The following LAMB1 variants were observed in gnomAD, a reference collection of about 807,000 sequenced individuals.
LAMB1 encodes laminin subunit beta-1.
Under a neutral mutation model 222.3 loss-of-function variants are expected in LAMB1, and 121 were observed. The observed-to-expected ratio is 0.54, with a 90% CI of 0.47 to 0.63. The LOEUF (loss-of-function observed/expected upper bound fraction) is 0.63, where lower values mean the gene tolerates loss of function less well. Ranked by LOEUF, LAMB1 falls within the 30% of genes least tolerant of loss-of-function variation. LAMB1 has a pLI of 0.00. For missense variants in LAMB1, 2,172 were observed against 2,240.8 expected, an observed-to-expected ratio of 0.97 and a Z score of 0.62; for synonymous variants, 794 against 807.2, an observed-to-expected ratio of 0.98 and a Z score of 0.28.
In LAMB1 at chr7:108,001,644, G is replaced by C; in HGVS notation, c.127C>G (p.Leu43Val). The C allele has an allele frequency of 6.2e-7, 1 of 1,613,294 alleles. No homozygotes were observed. The highest frequency in any genetic ancestry group is 8.5e-7 in the Non-Finnish European group (1 of 1,179,910). The change falls in exon 3 of 34, where the codon CTC becomes GTC. Residue 43 changes from leucine (L) to valine (V), a missense_variant. Transcript: ENST00000222399. The stretch of plus-strand genomic sequence containing the variant: ...GAAAGCTTCTGTGCTCGGCCGATGA[G>C]AAGGTCGCCCGTGGCGGGATAGCAG... ...GSCYPATGDL[L>V]IGRAQKLSVT...
At chr7:107,988,705 G>A (rs1267312244) in intron 5 of LAMB1, among the ~76,000 whole-genome samples, 1 of 152,130 alleles carries the variant, frequency 6.6e-6, no homozygotes, top group East Asian at 1.9e-4. Flanking sequence ...AGGTCATGAG[G>A]GTGGGCTGTA....
intron 2 of LAMB1, chr7:108,002,518 C>A (rs925159647): frequency 1.6e-5 from 17 of 1,071,196 alleles, no homozygotes; most frequent in South Asian, 1.3e-4. Flanking sequence ...CCTCGGTCAG[C>A]ACCGCCAACC....
intron 13 of LAMB1, among the ~76,000 whole-genome samples, chr7:107,968,670 G>A (rs2033681394): frequency 6.6e-6 from 1 of 152,148 alleles, no homozygotes; most frequent in Non-Finnish European, 1.5e-5. Flanking sequence ...AGGAATGTGG[G>A]CAGCTCTAGA....
rs754267913 is a variant in LAMB1, at chr7:107,924,405, T to C, written c.5065-16A>G. On this transcript the variant is annotated splice_polypyrimidine_tract_variant and intron_variant, in intron 32 of 33. Coordinates refer to ENST00000222399, the MANE Select transcript of LAMB1 (RefSeq NM_002291.3). ...CATCTAAAGTCTATAGTTCCACATT[T>C]AGACAGAAAGAAGTGGTAATGTTAG... 1.3e-6 allele frequency: 2 copies of C among 1,580,510 alleles called. No individual in the cohort carries two copies. Among genetic ancestry groups the C allele is most frequent in the Admixed American group, 1.8e-5 (1 of 55,554 alleles).
At chr7:107,949,872 A>C (rs1012039904) in intron 24 of LAMB1, among the ~76,000 whole-genome samples, 1 of 152,188 alleles carries the variant, frequency 6.6e-6, no homozygotes, top group Non-Finnish European at 1.5e-5. Flanking sequence ...TGAGTTGCCA[A>C]CTTGAAGATC....
chr7:107,973,094 T>G (rs375464529), intron 12 of LAMB1, 23 bp from the exon 13 acceptor site: 13 of 1,599,152 alleles, frequency 8.1e-6, no homozygotes, highest in Non-Finnish European at 1.1e-5. Context: ...ACGTGAAACA[T>G]GTAACGGTAG....
intron 2 of LAMB1, chr7:108,001,950 C>A (rs1228405929): frequency 1.4e-6 from 2 of 1,454,034 alleles, no homozygotes; most frequent in Non-Finnish European, 1.8e-6. Context: ...AACCCACACA[C>A]GTCATCAGGT....
chr7:108,002,827 C>T, intron 2 of LAMB1, 22 bp downstream of exon 2: 1 of 1,614,098 alleles, frequency 6.2e-7, no homozygotes, highest in Non-Finnish European at 8.5e-7. Flanking sequence ...TCCGCCTCCC[C>T]GCACCGTTTC....
At chr7:107,953,286 G>A (rs2033298865) in intron 22 of LAMB1, among the ~76,000 whole-genome samples, 1 of 151,702 alleles carries the variant, frequency 6.6e-6, no homozygotes, top group African/African-American at 2.4e-5. Context: ...GAACTCTGGA[G>A]GCAGAGGTTA....
chr7:107,935,245 T>TA, intron 27 of LAMB1, 170 bp downstream of exon 27: 3 of 934,626 alleles, frequency 3.2e-6, no homozygotes, highest in Non-Finnish European at 4.8e-6. Context: ...TGGTTACAGA[T>TA]ACCCCATTCC....
Position 108,003,135 on chromosome 7 carries a change from C to T in LAMB1, c.-111G>A. The T allele has an allele frequency of 1.4e-6, 1 of 701,990 alleles. No individual in the cohort carries two copies. The highest frequency in any genetic ancestry group is 2.2e-6 in the Non-Finnish European group (1 of 452,772). 43.5% of individuals were successfully genotyped at this position (701,990 alleles called of 1,614,324 possible). A position where few individuals can be genotyped will look rare whatever the true frequency, so the allele number is the denominator to read the frequency against. The stretch of plus-strand genomic sequence containing the variant: ...CCCGGCGACGCGAGCTCTCGCCCTG[C>T]TCCGGGAGCCCCCGAGCCCAAAGAA... On this transcript the variant is annotated 5_prime_UTR_variant, in exon 1 of 34. Coordinates refer to ENST00000222399, the MANE Select transcript of LAMB1 (RefSeq NM_002291.3).
chr7:108,001,804 C>CG, intron 2 of LAMB1, 71 bp from the exon 3 acceptor site: 1 of 1,573,996 alleles, frequency 6.4e-7, no homozygotes, highest in African/African-American at 1.4e-5. Context: ...AACGAACAAG[C>CG]GGGGGCGGGG....
At chr7:107,977,454 G>A (rs2033889866) in intron 9 of LAMB1, among the ~76,000 whole-genome samples, 1 of 152,060 alleles carries the variant, frequency 6.6e-6, no homozygotes, top group South Asian at 2.1e-4. Flanking sequence ...CAGCTACCCT[G>A]CCATATAGTT....
At chr7:107,940,759 G>A (rs1192523092) in intron 24 of LAMB1, among the ~76,000 whole-genome samples, 2 of 152,106 alleles carry the variant, frequency 1.3e-5, no homozygotes, top group African/African-American at 2.4e-5. Flanking sequence ...TTGCAACTCC[G>A]GAGTCTATAC....
At chr7:107,926,566 C>A (rs1480713633) in intron 31 of LAMB1, among the ~76,000 whole-genome samples, 2 of 152,066 alleles carry the variant, frequency 1.3e-5, no homozygotes, top group Non-Finnish European at 2.9e-5. Context: ...TTCATTCTTT[C>A]AGTACTTCTG....
intron 28 of LAMB1, 162 bp from the exon 29 acceptor site, chr7:107,931,662 A>G: frequency 3.0e-6 from 2 of 664,874 alleles, no homozygotes; most frequent in Non-Finnish European, 5.2e-6. Context: ...TATCTTACAG[A>G]CTGCAAGTAT....
At chr7:108,001,436 C>A (rs1186661912) in intron 3 of LAMB1, 122 bp downstream of exon 3, 15 of 1,130,232 alleles carry the variant, frequency 1.3e-5, no homozygotes, top group Non-Finnish European at 1.8e-5. Context: ...TCCCGGGACT[C>A]CCCGGCTGGC....
rs1303164383 is a variant in LAMB1, at chr7:107,980,812, C to A, written c.677-1G>T. On this transcript the variant is annotated splice_acceptor_variant, in intron 7 of 33. Coordinates refer to ENST00000222399, the MANE Select transcript of LAMB1 (RefSeq NM_002291.3). LOFTEE classifies it high-confidence loss of function. Reference sequence around the variant, plus strand: ...CTCAAGTTGGTAATTTTTAATAAATCTAGGAAGGTCATCAAGAAGATGAAA... The same window carrying A: ...CTCAAGTTGGTAATTTTTAATAAATATAGGAAGGTCATCAAGAAGATGAAA... 1 of 1,582,466 alleles carries A rather than the reference C, an allele frequency of 6.3e-7. No homozygotes were observed. The highest frequency in any genetic ancestry group is 1.1e-5 in the South Asian group (1 of 90,198).
Position 107,955,415 on chromosome 7 carries a change from T to C in LAMB1, c.2854+52A>G. 13 of 1,524,412 alleles carry C rather than the reference T, an allele frequency of 8.5e-6. No individual in the cohort carries two copies. In the South Asian group the frequency reaches 1.6e-4, roughly 19 times the overall value. 94.4% of individuals were successfully genotyped at this position (1,524,412 alleles called of 1,614,324 possible). A position where few individuals can be genotyped will look rare whatever the true frequency, so the allele number is the denominator to read the frequency against. On this transcript the variant is annotated intron_variant, in intron 21 of 33. Transcript: ENST00000222399. The stretch of plus-strand genomic sequence containing the variant: ...TTTTTTCTCATTAACAATGAACTCA[T>C]AAAGACATCTTTTTCTCTCTCTTTG...
Sources: allele counts gnomAD v4.1 joint callset (sites outside exome capture counted in the v4.1 genomes callset), GRCh38; gene constraint gnomAD v4.1.1; transcripts MANE v1.5; gene names NCBI Gene and HGNC (gene_info 2026-07-23, HGNC 2026-07-21).